MGAT4C: variants seen among roughly 807,000 people sequenced by gnomAD.
MGAT4C encodes the protein alpha-1,3-mannosyl-glycoprotein 4-beta-N-acetylglucosaminyltransferase C.
Under a neutral mutation model 40.1 loss-of-function variants are expected in MGAT4C, and 19 were observed. The observed-to-expected ratio is 0.47, with a 90% confidence interval of 0.33 to 0.70. The LOEUF is 0.70. Ranked by LOEUF, MGAT4C falls within the 30% of genes least tolerant of loss-of-function variation. The pLI, the probability that MGAT4C is intolerant of heterozygous loss-of-function variation, is 0.02. For missense variants in MGAT4C, 491 were observed against 563.2 expected, an observed-to-expected ratio of 0.87 and a Z score of 1.30; for synonymous variants, 181 against 187.1, an observed-to-expected ratio of 0.97 and a Z score of 0.27.
intron 4 of MGAT4C, among the ~76,000 whole-genome samples, chr12:86,316,136 C>T (rs986373711): frequency 2.5e-5 from 3 of 119,992 alleles, no homozygotes; most frequent in African/African-American, 9.2e-5. Flanking sequence ...CACTAATCAT[C>T]ACAGAAATGC....
intron 3 of MGAT4C, among the ~76,000 whole-genome samples, chr12:86,415,417 A>G (rs1311352616): frequency 6.6e-6 from 1 of 152,054 alleles, no homozygotes; most frequent in Non-Finnish European, 1.5e-5. Flanking sequence ...GGGGATAATA[A>G]TTGAGAGAAG....
intron 2 of MGAT4C, among the ~76,000 whole-genome samples, chr12:86,596,780 T>G (rs1356313731): frequency 2.0e-5 from 3 of 152,182 alleles, no homozygotes. Flanking sequence ...TGGCTATTGA[T>G]GCTACTTTTG....
At chr12:86,835,009 C>G (rs1467849791) in intron 1 of MGAT4C, among the ~76,000 whole-genome samples, 2 of 151,750 alleles carry the variant, frequency 1.3e-5, no homozygotes, top group Non-Finnish European at 1.5e-5. Context: ...CACATGTCTG[C>G]CTTTACTTTT....
At chr12:86,094,219 A>C (rs1235708682) in intron 1 of MGAT4C, among the ~76,000 whole-genome samples, 1 of 152,146 alleles carries the variant, frequency 6.6e-6, no homozygotes, top group Non-Finnish European at 1.5e-5. Flanking sequence ...AAGGTTGTAA[A>C]ATTACACTGA....
intron 2 of MGAT4C, among the ~76,000 whole-genome samples, chr12:86,526,313 C>T (rs765124314): frequency 8.6e-5 from 13 of 152,024 alleles, no homozygotes; most frequent in Non-Finnish European, 1.6e-4. Flanking sequence ...GGGGAGTAAA[C>T]TGCACTCCTG....
chr12:86,517,944 G>T (rs1266363229), intron 2 of MGAT4C, among the ~76,000 whole-genome samples: 4 of 152,070 alleles, frequency 2.6e-5, no homozygotes, highest in African/African-American at 9.7e-5. Flanking sequence ...CACCGTGCCC[G>T]GCCGACTTTG....
intron 1 of MGAT4C, among the ~76,000 whole-genome samples, chr12:86,188,033 C>A (rs1370492724): frequency 6.6e-6 from 1 of 151,988 alleles, no homozygotes; most frequent in Non-Finnish European, 1.5e-5. Flanking sequence ...GAGATAAGAA[C>A]CTGATGGGCC....
At chr12:86,022,519 C>T (rs1169941139) in intron 2 of MGAT4C, 1 of 152,134 alleles carries the variant, frequency 6.6e-6, no homozygotes, top group Non-Finnish European at 1.5e-5. Flanking sequence ...TGACACCAGC[C>T]TGGGCAACGT....
chr12:86,167,860 C>G (rs1450289400), intron 1 of MGAT4C, among the ~76,000 whole-genome samples: 1 of 152,142 alleles, frequency 6.6e-6, no homozygotes, highest in Admixed American at 6.6e-5. Flanking sequence ...TTAAGACTAT[C>G]TTCTTAAAAG....
intron 2 of MGAT4C, among the ~76,000 whole-genome samples, chr12:86,566,551 T>C (rs1291569889): frequency 2.7e-5 from 3 of 110,770 alleles, no homozygotes; most frequent in East Asian, 2.4e-4. Flanking sequence ...TATATATATA[T>C]ATATATATAT....
At chr12:86,071,143 C>T (rs948381845) in intron 1 of MGAT4C, among the ~76,000 whole-genome samples, 8 of 151,988 alleles carry the variant, frequency 5.3e-5, no homozygotes, top group African/African-American at 9.7e-5. Context: ...TTATTAAATT[C>T]GCTGTGAAAA....
At chr12:86,526,475 G>A (rs1421683274) in intron 2 of MGAT4C, among the ~76,000 whole-genome samples, 1 of 152,164 alleles carries the variant, frequency 6.6e-6, no homozygotes, top group Non-Finnish European at 1.5e-5. Context: ...GTGTGGCCAT[G>A]AGGGCTGCCC....
intron 2 of MGAT4C, among the ~76,000 whole-genome samples, chr12:86,640,099 A>G (rs1350131014): frequency 1.3e-5 from 2 of 151,742 alleles, no homozygotes; most frequent in African/African-American, 2.4e-5. Context: ...TAACAAATTA[A>G]TATAAACATA....
intron 3 of MGAT4C, among the ~76,000 whole-genome samples, chr12:86,378,621 A>G (rs1188870309): frequency 6.6e-6 from 1 of 152,186 alleles, no homozygotes; most frequent in Non-Finnish European, 1.5e-5. Flanking sequence ...TGAGGAAGAC[A>G]CAGAAATAAT....
At position 86,293,546 on chromosome 12, in the gene MGAT4C, C is replaced by G. The variant is rs540036673; in HGVS notation, c.-57+40519G>C. The stretch of plus-strand genomic sequence containing the variant: ...AAGAAATCTGAATTCTGAGCCATTT[C>G]TTATTTCTTGCTTTGTTCTTGTTTT... On this transcript the variant is annotated intron_variant, in intron 4 of 7. Coordinates refer to the MGAT4C transcript ENST00000548651. Among the ~76,000 whole-genome samples, 3 of 151,930 alleles carry G rather than the reference C, an allele frequency of 2.0e-5. No homozygotes were observed. The South Asian group carries it at 6.2e-4, about 32-fold the overall frequency.
chr12:86,549,233 T>A (rs1268623822), intron 2 of MGAT4C, among the ~76,000 whole-genome samples: 1 of 152,088 alleles, frequency 6.6e-6, no homozygotes, highest in Non-Finnish European at 1.5e-5. Context: ...TTTTAAAAAA[T>A]TGTATACATA....
intron 1 of MGAT4C, among the ~76,000 whole-genome samples, chr12:86,800,931 G>T (rs1028628660): frequency 2.0e-5 from 3 of 151,832 alleles, no homozygotes; most frequent in African/African-American, 4.8e-5. Flanking sequence ...ATATCTAATT[G>T]TCCACAATAT....
At chr12:86,196,826 T>A (rs752076421) in intron 1 of MGAT4C, among the ~76,000 whole-genome samples, 2 of 152,084 alleles carry the variant, frequency 1.3e-5, no homozygotes, top group African/African-American at 2.4e-5. Flanking sequence ...GCTTTCCACT[T>A]TTTGCAACAT....
At chr12:86,684,145 G>A (rs938954602) in intron 2 of MGAT4C, among the ~76,000 whole-genome samples, 1 of 152,088 alleles carries the variant, frequency 6.6e-6, no homozygotes, top group East Asian at 1.9e-4. Flanking sequence ...GGAGGCCGAG[G>A]CGGGCAGATC....
Sources: allele counts gnomAD v4.1 joint callset (sites outside exome capture counted in the v4.1 genomes callset), GRCh38; gene constraint gnomAD v4.1.1; transcripts MANE v1.5; gene names NCBI Gene and HGNC (gene_info 2026-07-23, HGNC 2026-07-21).